ILDR1: variants seen among roughly 807,000 people sequenced by gnomAD.
The protein encoded by ILDR1 is immunoglobulin-like domain-containing receptor 1.
A neutral mutation model predicts 62.4 loss-of-function variants in ILDR1; 56 were observed. The observed-to-expected ratio is 0.90, with a 90% CI of 0.72 to 1.12. The LOEUF is 1.12. Ranked by LOEUF, ILDR1 falls within the 50% of genes most tolerant of loss-of-function variation. The probability of loss-of-function intolerance (pLI) is 0.00; values close to 1 mark genes in which losing one functional copy is unlikely to be tolerated. For missense variants in ILDR1, 736 were observed against 710.6 expected (o/e 1.04, Z -0.41); for synonymous variants, 284 against 277.8 (o/e 1.02, Z -0.22).
the ILDR1 span, among the ~76,000 whole-genome samples, chr3:122,053,546 T>C: frequency 6.6e-6 from 1 of 152,156 alleles, no homozygotes; most frequent in African/African-American, 2.4e-5. Flanking sequence ...CTACAATATA[T>C]ACCTTTTTTG....
At chr3:122,040,070 T>C in the ILDR1 span, among the ~76,000 whole-genome samples, 2 of 152,014 alleles carry the variant, frequency 1.3e-5, no homozygotes, top group African/African-American at 4.8e-5. Flanking sequence ...AAGAGTATGA[T>C]ACATAATTGC....
At chr3:122,047,803 G>A in the ILDR1 span, among the ~76,000 whole-genome samples, 14 of 152,326 alleles carry the variant, frequency 9.2e-5, no homozygotes, top group Admixed American at 2.0e-4. Context: ...ACTGGCCTGC[G>A]CCCACTGTCT....
chr3:121,993,422 A>C lies in ILDR1; in HGVS notation c.1327T>G (p.Cys443Gly). The C allele has an allele frequency of 4.3e-6, 7 of 1,613,884 alleles. No homozygotes were observed. The highest frequency in any genetic ancestry group is 5.1e-6 in the Non-Finnish European group (6 of 1,179,898). ...RPSHPPFRSR[C>G]QERPRRPSPR... Reference sequence around the variant, plus strand: ...CTGGGCCTGCGGGGCCTCTCCTGACAGCGGCTCCTGAAAGGAGGGTGGCTC... The same window carrying C: ...CTGGGCCTGCGGGGCCTCTCCTGACCGCGGCTCCTGAAAGGAGGGTGGCTC... The change falls in exon 7 of 8, where the codon TGT becomes GGT. Residue 443 changes from cysteine (C) to glycine (G), a missense_variant. Physicochemically the swap from Cys to Gly is radical, Grantham distance 159 (BLOSUM62 -3). Transcript: ENST00000344209.
intron 1 of ILDR1, among the ~76,000 whole-genome samples, chr3:122,018,102 T>C (rs1182552902): frequency 5.3e-5 from 8 of 152,152 alleles, no homozygotes; most frequent in Non-Finnish European, 8.8e-5. Flanking sequence ...CATATGTCTA[T>C]TGCAGCACTA....
intron 7 of ILDR1, among the ~76,000 whole-genome samples, chr3:121,990,076 A>G (rs923710703): frequency 5.9e-5 from 9 of 152,238 alleles, no homozygotes; most frequent in Non-Finnish European, 1.5e-5. Flanking sequence ...CCAGTGCTGC[A>G]TGATGGAAGG....
the ILDR1 span, among the ~76,000 whole-genome samples, chr3:122,038,307 A>G: frequency 6.6e-6 from 1 of 152,200 alleles, no homozygotes; most frequent in Non-Finnish European, 1.5e-5. Flanking sequence ...AAAACAAAGC[A>G]GGGAAACACA....
chr3:122,011,053 T>C (rs1445056439), intron 1 of ILDR1, among the ~76,000 whole-genome samples: 1 of 152,194 alleles, frequency 6.6e-6, no homozygotes, highest in Admixed American at 6.5e-5. Flanking sequence ...ATAATTGGTA[T>C]TCACAAGTTT....
chr3:122,019,500 G>T (rs2071826975), intron 1 of ILDR1, among the ~76,000 whole-genome samples: 1 of 152,160 alleles, frequency 6.6e-6, no homozygotes. Flanking sequence ...TTGATCTTCA[G>T]TTTGATCTTG....
intron 7 of ILDR1, among the ~76,000 whole-genome samples, chr3:121,992,140 T>C (rs1189240874): frequency 1.3e-5 from 2 of 152,180 alleles, no homozygotes; most frequent in African/African-American, 2.4e-5. Context: ...GTATTAATTA[T>C]AAATTTTTTT....
At chr3:122,006,892 A>G in intron 2 of ILDR1, 99 bp downstream of exon 2, 1 of 1,326,850 alleles carries the variant, frequency 7.5e-7, no homozygotes, top group Non-Finnish European at 1.1e-6. Flanking sequence ...TCTCCTCACT[A>G]CCAAGATTTG....
At chr3:122,011,903 C>G (rs945333554) in intron 1 of ILDR1, among the ~76,000 whole-genome samples, 2 of 152,114 alleles carry the variant, frequency 1.3e-5, no homozygotes, top group African/African-American at 2.4e-5. Context: ...CACACCCCCA[C>G]GTGTCCAACA....
chr3:121,987,847 T>A lies in ILDR1; in HGVS notation c.*520A>T, dbSNP rs1476620909. The A allele has an allele frequency of 3.9e-6, 1 of 254,300 alleles. No individual in the cohort carries two copies. The highest frequency in any genetic ancestry group is 2.3e-5 in the African/African-American group (1 of 43,888). 15.8% of individuals were successfully genotyped at this position (254,300 alleles called of 1,614,324 possible). ...GATTATATAAATATGCAAGAGAGCA[T>A]GAACCAAGGCTAAAACTACAGTTGG... is the stretch of plus-strand genomic sequence containing the variant. On this transcript the variant is annotated 3_prime_UTR_variant, in exon 8 of 8. Coordinates refer to ENST00000344209, the MANE Select transcript of ILDR1 (RefSeq NM_001199799.2).
the ILDR1 span, among the ~76,000 whole-genome samples, chr3:122,039,635 A>G: frequency 6.6e-6 from 1 of 152,102 alleles, no homozygotes; most frequent in African/African-American, 2.4e-5. Flanking sequence ...AAATTTTAAA[A>G]GAAAAAAAGT....
At position 121,988,104 on chromosome 3, in the gene ILDR1, G is replaced by T. The variant is rs1158515519; in HGVS notation, c.*263C>A. The T allele has an allele frequency of 1.8e-6, 1 of 545,844 alleles. No individual in the cohort carries two copies. The allele number at this position is 545,844 out of a possible 1,614,324, so 33.8% of individuals were successfully genotyped here. A position where few individuals can be genotyped will look rare whatever the true frequency, so the allele number is the denominator to read the frequency against. ...ATTTTTATATTTTTTGTAGAGACGGGGTCTCACTATGTTTCCCAGGCTGAT... is the reference window on the plus strand; with the variant it reads ...ATTTTTATATTTTTTGTAGAGACGGTGTCTCACTATGTTTCCCAGGCTGAT... On this transcript the variant is annotated 3_prime_UTR_variant, in exon 8 of 8. Transcript: ENST00000344209.
At chr3:122,061,010 C>T in the ILDR1 span, among the ~76,000 whole-genome samples, 1 of 152,194 alleles carries the variant, frequency 6.6e-6, no homozygotes, top group Admixed American at 6.5e-5. Flanking sequence ...ATTAATCTTT[C>T]TGTAGTGGCA....
Position 122,005,371 on chromosome 3 carries a change from C to G in ILDR1, c.252G>C (p.Leu84=). Residue 84 remains leucine (L), a synonymous_variant, in exon 3 of 8, where the codon CTG becomes CTC. Transcript: ENST00000344209. The part of the protein sequence containing the change: ...YSASYQAALS[L]GQDPSNDCND... The stretch of plus-strand genomic sequence containing the variant: ...TGCAGTCATTGGATGGGTCCTGGCC[C>G]AGGGATAAAGCTGCCTGGTATGCTG... 6.2e-7 allele frequency: 1 copy of G among 1,614,166 alleles called. No homozygotes were observed. The highest frequency in any genetic ancestry group is 8.5e-7 in the Non-Finnish European group (1 of 1,180,026).
upstream of ILDR1, among the ~76,000 whole-genome samples, chr3:122,026,273 T>C (rs762485461): frequency 1.5e-4 from 23 of 152,122 alleles, no homozygotes; most frequent in Admixed American, 6.5e-4. Flanking sequence ...GGAACTTAGA[T>C]GAAAGACAGG....
At chr3:122,016,538 G>A (rs188267511) in intron 1 of ILDR1, among the ~76,000 whole-genome samples, 2 of 152,312 alleles carry the variant, frequency 1.3e-5, no homozygotes, top group African/African-American at 4.8e-5. Flanking sequence ...GTCTAGTACA[G>A]CCAGACAAAA....
the ILDR1 span, among the ~76,000 whole-genome samples, chr3:122,039,722 A>ACTAGAATAT: frequency 6.6e-6 from 1 of 152,070 alleles, no homozygotes; most frequent in Non-Finnish European, 1.5e-5. Context: ...GAGATTTGAA[A>ACTAGAATAT]ACAGAATAAA....
Sources: allele counts gnomAD v4.1 joint callset (sites outside exome capture counted in the v4.1 genomes callset), GRCh38; gene constraint gnomAD v4.1.1; transcripts MANE v1.5; gene names NCBI Gene and HGNC (gene_info 2026-07-23, HGNC 2026-07-21).